LYPD6B: variants seen among roughly 807,000 people sequenced by gnomAD.
LYPD6B encodes ly6/PLAUR domain-containing protein 6B.
Under a neutral mutation model 22.8 loss-of-function variants are expected in LYPD6B, and 17 were observed. That is an observed-to-expected ratio of 0.75 (90% confidence interval 0.51 to 1.12). The LOEUF (loss-of-function observed/expected upper bound fraction) is 1.12. LYPD6B is among the 50% of genes most tolerant of loss of function. LYPD6B has a pLI of 0.00. For missense variants in LYPD6B, 221 were observed against 258.3 expected (o/e 0.86, Z 0.99); for synonymous variants, 106 against 91.6 (o/e 1.16, Z -0.90).
chr2:149,214,176 T>C (rs1056604463), intron 6 of LYPD6B, among the ~76,000 whole-genome samples: 1 of 152,198 alleles, frequency 6.6e-6, no homozygotes, highest in Non-Finnish European at 1.5e-5. Context: ...AGAAAATCAA[T>C]GACTAATCCG....
intron 4 of LYPD6B, 137 bp from the exon 5 acceptor site, chr2:149,208,177 C>T: frequency 1.6e-6 from 1 of 625,312 alleles, no homozygotes; most frequent in Non-Finnish European, 2.8e-6. Context: ...ATCTAGCTCT[C>T]TAGAAACAGT....
At chr2:149,094,361 A>G (rs932893865) in intron 1 of LYPD6B, among the ~76,000 whole-genome samples, 1 of 152,238 alleles carries the variant, frequency 6.6e-6, no homozygotes, top group African/African-American at 2.4e-5. Context: ...AATGCCAGGG[A>G]CATGATATAA....
chr2:149,112,081 T>G lies in LYPD6B; in HGVS notation c.-66-18802T>G, dbSNP rs571601819. Among the ~76,000 whole-genome samples, 54 of 152,248 alleles carry G rather than the reference T, an allele frequency of 3.5e-4. 1 individual carries two copies. In the South Asian group the frequency reaches 0.01, roughly 29 times the overall value. ...GAATGAAAGTCTGATTGGAGTGGAT[T>G]CAAGAGAGAATGGAGGAGAGGAAGT... is the stretch of plus-strand genomic sequence containing the variant. On this transcript the variant is annotated intron_variant, in intron 1 of 6. Transcript: ENST00000409642.
chr2:149,211,328 G>A (rs1186923109), intron 5 of LYPD6B, among the ~76,000 whole-genome samples: 1 of 152,120 alleles, frequency 6.6e-6, no homozygotes, highest in African/African-American at 2.4e-5. Context: ...ATACTGAGGA[G>A]TAGAATAATG....
intron 1 of LYPD6B, among the ~76,000 whole-genome samples, chr2:149,044,224 G>T (rs1158380953): frequency 6.6e-6 from 1 of 151,982 alleles, no homozygotes; most frequent in Non-Finnish European, 1.5e-5. Flanking sequence ...AGGAAGAATT[G>T]ACATCTTTAC....
chr2:149,128,648 G>A (rs1687843090), intron 1 of LYPD6B, among the ~76,000 whole-genome samples: 2 of 151,966 alleles, frequency 1.3e-5, no homozygotes, highest in South Asian at 4.2e-4. Context: ...GTGGTAAGAG[G>A]GTCTTTGAAT....
At chr2:149,121,061 C>T (rs745640437) in intron 1 of LYPD6B, among the ~76,000 whole-genome samples, 28 of 151,932 alleles carry the variant, frequency 1.8e-4, no homozygotes, top group African/African-American at 5.6e-4. Flanking sequence ...CAAAGTGCTG[C>T]GATTACAGGT....
intron 1 of LYPD6B, among the ~76,000 whole-genome samples, chr2:149,088,246 C>G (rs1198467193): frequency 6.6e-6 from 1 of 151,726 alleles, no homozygotes; most frequent in Non-Finnish European, 1.5e-5. Context: ...ACCTATAACT[C>G]TCTCAGAGGT....
At chr2:149,152,384 T>C (rs988338706) in intron 2 of LYPD6B, among the ~76,000 whole-genome samples, 2 of 152,196 alleles carry the variant, frequency 1.3e-5, no homozygotes, top group Non-Finnish European at 1.5e-5. Flanking sequence ...AGAAAGGGGC[T>C]CTTTCCTATT....
intron 1 of LYPD6B, among the ~76,000 whole-genome samples, chr2:149,119,782 C>T (rs1278806336): frequency 1.3e-5 from 2 of 152,142 alleles, no homozygotes; most frequent in Non-Finnish European, 1.5e-5. Flanking sequence ...TTCATCCTAC[C>T]GCTTCCTAGT....
At chr2:149,211,943 C>T (rs1205340013) in intron 5 of LYPD6B, among the ~76,000 whole-genome samples, 1 of 151,726 alleles carries the variant, frequency 6.6e-6, no homozygotes, top group African/African-American at 2.4e-5. Context: ...CTGTAGATAG[C>T]TGGGTAGAAA....
In LYPD6B at chr2:149,114,049, A is replaced by G. The variant is rs568187049; in HGVS notation, c.-66-16834A>G. On this transcript the variant is annotated intron_variant, in intron 1 of 6. Transcript: ENST00000409642. ...TCCTCTTTCCCTCTGAAAGCTCAAT[A>G]AAGCAAAGGGAAGGGAATCTGTGGA... Among the ~76,000 whole-genome samples the G allele has an allele frequency of 1.9e-3, 293 of 152,292 alleles. 1 individual carries two copies. Among genetic ancestry groups the G allele is most frequent in the South Asian group, 8.3e-3 (40 of 4,816 alleles).
intron 3 of LYPD6B, among the ~76,000 whole-genome samples, chr2:149,167,941 G>A (rs1244013702): frequency 1.3e-5 from 2 of 151,854 alleles, no homozygotes; most frequent in Non-Finnish European, 2.9e-5. Flanking sequence ...TTTGGGCCAG[G>A]TGTGGTGGCT....
intron 1 of LYPD6B, among the ~76,000 whole-genome samples, chr2:149,102,404 A>G (rs1686256468): frequency 6.6e-6 from 1 of 152,182 alleles, no homozygotes; most frequent in African/African-American, 2.4e-5. Flanking sequence ...AGAAGCAAAT[A>G]AAAGGGAACA....
chr2:149,147,522 G>A (rs1430994774), intron 2 of LYPD6B, among the ~76,000 whole-genome samples: 1 of 151,260 alleles, frequency 6.6e-6, no homozygotes, highest in Non-Finnish European at 1.5e-5. Flanking sequence ...TTGTTTGTTT[G>A]TTTGTTTTTG....
intron 1 of LYPD6B, among the ~76,000 whole-genome samples, chr2:149,082,832 C>T (rs2105402833): frequency 6.6e-6 from 1 of 152,272 alleles, no homozygotes; most frequent in South Asian, 2.1e-4. Flanking sequence ...TGTAGTAAGG[C>T]AGCTGGAAAA....
intron 2 of LYPD6B, chr2:149,131,438 A>T (rs1688023018): frequency 6.6e-6 from 1 of 152,398 alleles, no homozygotes. Flanking sequence ...GTAAAAAGAC[A>T]AGGGATGAAA....
intron 6 of LYPD6B, 142 bp from the exon 7 acceptor site, chr2:149,214,404 C>G: frequency 2.6e-6 from 2 of 763,200 alleles, no homozygotes; most frequent in Non-Finnish European, 4.3e-6. Flanking sequence ...ACCCAAGAGC[C>G]TAGATGATGC....
chr2:149,209,485 G>A (rs1231722641), intron 5 of LYPD6B, among the ~76,000 whole-genome samples: 4 of 151,984 alleles, frequency 2.6e-5, no homozygotes, highest in Non-Finnish European at 5.9e-5. Flanking sequence ...AGGATGTACT[G>A]TTTTTTAGGT....
Sources: gnomAD v4.1 joint callset for allele counts (sites outside exome capture counted in the v4.1 genomes callset) on GRCh38, gnomAD v4.1.1 for gene constraint, MANE v1.5 for transcripts, NCBI Gene and HGNC (gene_info 2026-07-23, HGNC 2026-07-21) for gene names.